Variants in CFDP1 observed in about 807,000 individuals in gnomAD.
CFDP1 encodes the protein heterochromatin-stabilizing protein CFDP1.
Under a neutral mutation model 40.1 loss-of-function variants are expected in CFDP1, and 31 were observed. The observed-to-expected ratio is 0.77, with a 90% CI of 0.58 to 1.04. The LOEUF (loss-of-function observed/expected upper bound fraction) is 1.04. Among genes scored for constraint, CFDP1 ranks in the 50% least tolerant of loss-of-function variants. The pLI, the probability that CFDP1 is intolerant of heterozygous loss-of-function variation, is 0.00. For missense variants in CFDP1, 423 were observed against 343.4 expected (o/e 1.23, Z -1.83); for synonymous variants, 167 against 120.0 (o/e 1.39, Z -2.56).
At chr16:75,418,563 C>A (rs1395640633) in intron 1 of CFDP1, among the ~76,000 whole-genome samples, 1 of 151,992 alleles carries the variant, frequency 6.6e-6, no homozygotes, top group Non-Finnish European at 1.5e-5. Context: ...CCGACCTCGG[C>A]CTCCCAAAGT....
At chr16:75,369,724 GT>G (rs2078738827) in intron 5 of CFDP1, among the ~76,000 whole-genome samples, 1 of 152,134 alleles carries the variant, frequency 6.6e-6, no homozygotes, top group Non-Finnish European at 1.5e-5. Context: ...GCCTCCTTTT[GT>G]TTGACCAACA....
chr16:75,418,844 C>G (rs558727279), intron 1 of CFDP1, among the ~76,000 whole-genome samples: 140 of 151,820 alleles, frequency 9.2e-4, no homozygotes, highest in African/African-American at 3.1e-3. Flanking sequence ...AATAACAGAT[C>G]AAGGCCAGGT....
intron 5 of CFDP1, among the ~76,000 whole-genome samples, chr16:75,330,475 G>C (rs2078437805): frequency 1.3e-5 from 2 of 152,184 alleles, no homozygotes; most frequent in African/African-American, 4.8e-5. Flanking sequence ...TGTAATCCCA[G>C]TTACTAGGGA....
At position 75,404,412 on chromosome 16, in the gene CFDP1, C is replaced by T. The variant is rs368353099; in HGVS notation, c.530+7413G>A. ...AATTTTTTGTATTTTTAGTAGAGAA[C>T]GGGTTTCACCGTGTTAGCCAGGATG... On this transcript the variant is annotated intron_variant, in intron 4 of 6. Transcript: ENST00000283882. 6.5e-3 allele frequency among the ~76,000 whole-genome samples: 980 copies of T among 151,694 alleles called. 9 individuals are homozygous for T. The highest frequency in any genetic ancestry group is 0.017 in the Middle Eastern group (5 of 294).
rs1421293314 is a variant in CFDP1, at chr16:75,427,118, A to G, written c.64+6171T>C. ...CCAGAATATATAATTCCAAAACTGAAAACAACCCAATGTTTTAAATGGACA... is the reference window on the plus strand; with the variant it reads ...CCAGAATATATAATTCCAAAACTGAGAACAACCCAATGTTTTAAATGGACA... On this transcript the variant is annotated intron_variant, in intron 1 of 6. Coordinates refer to ENST00000283882, the MANE Select transcript of CFDP1 (RefSeq NM_006324.3). Among the ~76,000 whole-genome samples, 4 of 152,280 alleles carry G rather than the reference A, an allele frequency of 2.6e-5. No individual in the cohort carries two copies. The South Asian group carries it at 8.3e-4, about 32-fold the overall frequency.
intron 5 of CFDP1, among the ~76,000 whole-genome samples, chr16:75,330,696 A>G (rs2151514769): frequency 6.6e-6 from 1 of 152,332 alleles, no homozygotes; most frequent in Non-Finnish European, 1.5e-5. Context: ...CTTCCTTAGG[A>G]AAAAACACTC....
At chr16:75,328,140 C>T (rs1185511354) in intron 5 of CFDP1, among the ~76,000 whole-genome samples, 5 of 144,662 alleles carry the variant, frequency 3.5e-5, no homozygotes, top group East Asian at 4.2e-4. Context: ...GGAATTGGTA[C>T]TTGATTTTTT....
chr16:75,358,525 T>C (rs1367123826), intron 5 of CFDP1, among the ~76,000 whole-genome samples: 3 of 152,204 alleles, frequency 2.0e-5, no homozygotes, highest in Non-Finnish European at 2.9e-5. Context: ...AAATATTTTT[T>C]ATGAAAATGA....
At chr16:75,340,043 GGACA>G (rs1320077305) in intron 5 of CFDP1, among the ~76,000 whole-genome samples, 1 of 152,106 alleles carries the variant, frequency 6.6e-6, no homozygotes, top group Non-Finnish European at 1.5e-5. Context: ...TGCCTCAATA[GGACA>G]GACTCCTCTA....
Position 75,403,679 on chromosome 16 carries a change from C to T in CFDP1, c.530+8146G>A, listed in dbSNP as rs891838591. ...AAAACTTTTAAACCTATATTCCTAA[C>T]GGTACATTAACATACTTTCTATATT... On this transcript the variant is annotated intron_variant, in intron 4 of 6. Coordinates refer to ENST00000283882, the MANE Select transcript of CFDP1 (RefSeq NM_006324.3). 7.2e-5 allele frequency among the ~76,000 whole-genome samples: 11 copies of T among 152,156 alleles called. No individual in the cohort carries two copies. In the East Asian group the frequency reaches 7.7e-4, roughly 11 times the overall value.
intron 5 of CFDP1, among the ~76,000 whole-genome samples, chr16:75,331,570 T>C (rs1418019305): frequency 6.6e-6 from 1 of 152,224 alleles, no homozygotes; most frequent in Non-Finnish European, 1.5e-5. Flanking sequence ...GCAACGACTA[T>C]TCTGATTTTT....
At chr16:75,357,180 T>C (rs2078650427) in intron 5 of CFDP1, among the ~76,000 whole-genome samples, 1 of 152,256 alleles carries the variant, frequency 6.6e-6, no homozygotes, top group East Asian at 1.9e-4. Flanking sequence ...CCCAAAGTGC[T>C]GGGATTACAG....
chr16:75,408,875 T>G (rs2079129273), intron 4 of CFDP1, among the ~76,000 whole-genome samples: 1 of 152,142 alleles, frequency 6.6e-6, no homozygotes, highest in South Asian at 2.1e-4. Flanking sequence ...TTTTTTGTTT[T>G]GAGACAGAGT....
chr16:75,429,693 T>C (rs574980610), intron 1 of CFDP1, among the ~76,000 whole-genome samples: 2 of 152,242 alleles, frequency 1.3e-5, no homozygotes, highest in South Asian at 4.1e-4. Flanking sequence ...TCATAGAAGG[T>C]AACCAAGACA....
chr16:75,311,773 T>TC (rs2078294230), intron 5 of CFDP1, among the ~76,000 whole-genome samples: 1 of 144,886 alleles, frequency 6.9e-6, no homozygotes, highest in Non-Finnish European at 1.5e-5. Flanking sequence ...CTTTACAATT[T>TC]TTTTTTTTTT....
chr16:75,374,336 T>C (rs2078775907), intron 5 of CFDP1, among the ~76,000 whole-genome samples: 1 of 152,150 alleles, frequency 6.6e-6, no homozygotes, highest in Non-Finnish European at 1.5e-5. Flanking sequence ...AGATGAAATA[T>C]GTTAGTATAT....
chr16:75,368,379 G>A (rs975495849), intron 5 of CFDP1, among the ~76,000 whole-genome samples: 8 of 152,126 alleles, frequency 5.3e-5, no homozygotes, highest in Admixed American at 2.0e-4. Context: ...TTTTGGTGGT[G>A]GAGTGGATGG....
At chr16:75,314,207 A>G (rs746612201) in intron 5 of CFDP1, among the ~76,000 whole-genome samples, 15 of 152,128 alleles carry the variant, frequency 9.9e-5, no homozygotes, top group Non-Finnish European at 5.9e-5. Context: ...ATATTTGTCT[A>G]TTTGAACAGA....
chr16:75,433,083 A>G (rs1258731096), intron 1 of CFDP1, among the ~76,000 whole-genome samples: 2 of 152,080 alleles, frequency 1.3e-5, no homozygotes, highest in Non-Finnish European at 2.9e-5. Flanking sequence ...GGAGCTGCCC[A>G]ACGGGAGGGG....
Sources: allele counts gnomAD v4.1 joint callset (sites outside exome capture counted in the v4.1 genomes callset), GRCh38; gene constraint gnomAD v4.1.1; transcripts MANE v1.5; gene names NCBI Gene and HGNC (gene_info 2026-07-23, HGNC 2026-07-21).